The following BEND3 variants were observed in gnomAD, a reference collection of about 807,000 sequenced individuals.
The protein encoded by BEND3 is BEN domain containing 3.
In BEND3, 13 loss-of-function variants were observed where a neutral mutation model predicts 60.1. The ratio of observed to expected loss-of-function variants is 0.22; its 90% CI spans 0.14 to 0.34. BEND3 has a LOEUF of 0.34. Ranked by LOEUF, BEND3 falls within the 10% of genes least tolerant of loss-of-function variation. The probability of loss-of-function intolerance (pLI) is 1.00; values close to 1 mark genes in which losing one functional copy is unlikely to be tolerated. For synonymous variants in BEND3, 497 were observed against 491.5 expected (o/e 1.01, Z -0.15); for missense variants, 896 against 1,138.1 (o/e 0.79, Z 3.06).
intron 3 of BEND3, among the ~76,000 whole-genome samples, chr6:107,093,277 GGTGAAACCCC>G (rs1208020936): frequency 5.3e-5 from 8 of 152,058 alleles, no homozygotes; most frequent in Non-Finnish European, 1.2e-4. Flanking sequence ...TGGCTAATAC[GGTGAAACCCC>G]GTCTCTACTA....
At chr6:107,094,374 G>A (rs1284451701) in intron 3 of BEND3, among the ~76,000 whole-genome samples, 2 of 152,044 alleles carry the variant, frequency 1.3e-5, no homozygotes, top group Non-Finnish European at 2.9e-5. Flanking sequence ...TGTAATCCCA[G>A]CACTTTGGAG....
rs80030422 is a variant in BEND3 at position 107,094,169 on chromosome 6, C to T, written c.240+4382G>A. 3.3e-3 allele frequency among the ~76,000 whole-genome samples: 503 copies of T among 151,992 alleles called. 2 individuals carry two copies. The highest frequency in any genetic ancestry group is 0.011 in the African/African-American group (450 of 41,452). ...AAAGGGTTACTTGAGCCGAGGAGCTCGAGACCAGCCTGGGCAACATAGCAA... is the reference window on the plus strand; with the variant it reads ...AAAGGGTTACTTGAGCCGAGGAGCTTGAGACCAGCCTGGGCAACATAGCAA... On this transcript the variant is annotated intron_variant, in intron 3 of 3. Transcript: ENST00000369042.
chr6:107,089,589 A>G (rs1775430159), intron 3 of BEND3, among the ~76,000 whole-genome samples: 1 of 125,178 alleles, frequency 8.0e-6, no homozygotes, highest in Non-Finnish European at 1.8e-5. Flanking sequence ...CTGTCTCGAA[A>G]AAAAAAAAGG....
intron 3 of BEND3, among the ~76,000 whole-genome samples, chr6:107,089,593 A>G (rs1245066021): frequency 7.8e-6 from 1 of 128,882 alleles, no homozygotes; most frequent in Non-Finnish European, 1.7e-5. Flanking sequence ...CTCGAAAAAA[A>G]AAAAGGATTT....
At chr6:107,085,943 C>T (rs1775337661) in intron 3 of BEND3, among the ~76,000 whole-genome samples, 1 of 151,598 alleles carries the variant, frequency 6.6e-6, no homozygotes, top group Admixed American at 6.6e-5. Context: ...TCCACCACCA[C>T]ACCCAGCTAA....
At chr6:107,085,031 C>T (rs1342282278) in intron 3 of BEND3, among the ~76,000 whole-genome samples, 1 of 152,220 alleles carries the variant, frequency 6.6e-6, no homozygotes, top group African/African-American at 2.4e-5. Flanking sequence ...TGAGCTGTAA[C>T]ACTCATCACG....
rs782093278 is a variant in BEND3, at chr6:107,069,905, C to T, written c.1286G>A (p.Gly429Asp). The change falls in exon 4 of 4, where the codon GGT (glycine) becomes GAT (aspartate). Residue 429 changes from glycine to aspartate, a missense_variant. Coordinates refer to ENST00000369042, the MANE Select transcript of BEND3 (RefSeq NM_001367314.1). ...FPELFDHRKL[G>D]EQYSCYGDGG... is the part of the protein sequence containing the mutation. ...GTCCCCGTAGCAGCTGTACTGTTCA[C>T]CCAGCTTGCGGTGGTCGAAGAGCTC... 3 of 1,613,946 alleles carry T rather than the reference C, an allele frequency of 1.9e-6. No homozygotes were observed. Among genetic ancestry groups the T allele is most frequent in the Admixed American group, 1.7e-5 (1 of 60,026 alleles).
chr6:107,091,119 AAAAG>A (rs1474188824), intron 3 of BEND3, among the ~76,000 whole-genome samples: 3 of 152,114 alleles, frequency 2.0e-5, no homozygotes, highest in East Asian at 1.9e-4. Flanking sequence ...CGAAAAAAAA[AAAAG>A]AAAGAAAATG....
chr6:107,091,537 C>T (rs1459203007), intron 3 of BEND3, among the ~76,000 whole-genome samples: 1 of 152,096 alleles, frequency 6.6e-6, no homozygotes, highest in Non-Finnish European at 1.5e-5. Context: ...AACTCTATGT[C>T]CACAAATTTG....
intron 1 of BEND3, among the ~76,000 whole-genome samples, chr6:107,108,837 G>A (rs529173873): frequency 6.6e-5 from 10 of 152,230 alleles, no homozygotes; most frequent in Admixed American, 4.6e-4. Flanking sequence ...ATGGAGTCTC[G>A]CTCTGTTGCC....
At chr6:107,112,075 T>C (rs931549508) in intron 1 of BEND3, among the ~76,000 whole-genome samples, 7 of 152,166 alleles carry the variant, frequency 4.6e-5, no homozygotes, top group Non-Finnish European at 1.0e-4. Flanking sequence ...TTTTGCTGGT[T>C]GGCTAGCGAC....
Position 107,069,261 on chromosome 6 carries a change from G to C in BEND3, c.1930C>G (p.Arg644Gly). ...EFVGKLDERC[R>G]RRDTEQRRSY... is the part of the protein sequence containing the mutation. ...CGCCTTTGCTCCGTGTCCCGGCGCC[G>C]GCAGCGCTCATCCAGTTTGCCCACG... is the stretch of plus-strand genomic sequence containing the variant. Residue 644 changes from arginine to glycine, a missense_variant, in exon 4 of 4, where the codon CGG (arginine) becomes GGG (glycine). By Grantham distance (125) the Arg-to-Gly change is moderately radical. Around this residue, in one of 4 missense-constraint regions of BEND3, gnomAD observed 846 missense variants for 1,036.7 expected, o/e 0.82. Coordinates refer to ENST00000369042, the MANE Select transcript of BEND3 (RefSeq NM_001367314.1). The C allele has an allele frequency of 6.2e-7, 1 of 1,611,622 alleles. No homozygotes were observed.
At chr6:107,083,921 T>C (rs1418546239) in intron 3 of BEND3, among the ~76,000 whole-genome samples, 1 of 151,846 alleles carries the variant, frequency 6.6e-6, no homozygotes, top group Non-Finnish European at 1.5e-5. Flanking sequence ...GACCCTATCT[T>C]GAAAAAGAAA....
At chr6:107,094,917 C>T (rs912022441) in intron 3 of BEND3, among the ~76,000 whole-genome samples, 8 of 150,134 alleles carry the variant, frequency 5.3e-5, no homozygotes, top group African/African-American at 2.0e-4. Context: ...ACCTCCCAGG[C>T]TCAGGCGATC....
Position 107,070,955 on chromosome 6 carries a change from A to G in BEND3, c.241-5T>C, listed in dbSNP as rs544632152. The G allele has an allele frequency of 6.3e-7, 1 of 1,599,776 alleles. No homozygotes were observed. Among genetic ancestry groups the G allele is most frequent in the Admixed American group, 1.7e-5 (1 of 58,082 alleles). The stretch of plus-strand genomic sequence containing the variant: ...CCGCATGCCTGCTAGGAGAGCCTGC[A>G]AAACAAAAATCATTTCCCAGAGTGT... On this transcript the variant is annotated splice_region_variant and splice_polypyrimidine_tract_variant and intron_variant, in intron 3 of 3. Transcript: ENST00000369042. This position sits in a 1 kb window ranked among gnomAD's most constrained non-coding sequence, Gnocchi z 6.9.
intron 1 of BEND3, among the ~76,000 whole-genome samples, chr6:107,105,004 C>T (rs1775782904): frequency 6.6e-6 from 1 of 152,096 alleles, no homozygotes; most frequent in Admixed American, 6.6e-5. Context: ...TTGGATGAAC[C>T]TGCAGATGTG....
rs782731122 is a variant in BEND3, at chr6:107,098,577, C to T, written c.214G>A (p.Val72Met). The T allele has an allele frequency of 3.7e-6, 6 of 1,613,278 alleles. No homozygotes were observed. Among genetic ancestry groups the T allele is most frequent in the Non-Finnish European group, 5.1e-6 (6 of 1,180,026 alleles). The change falls in exon 3 of 4, where the codon GTG becomes ATG. Residue 72 changes from valine (V) to methionine (M), a missense_variant. Transcript: ENST00000369042. ...SDGLLDSVPG[V>M]KRRRLIPEAL... ...TCGGGGATCAGCCGCCTCCTCTTCA[C>T]GCCGGGGACAGAGTCTAGCAGGCCA... is the stretch of plus-strand genomic sequence containing the variant.
chr6:107,098,436 T>C, intron 3 of BEND3, 115 bp downstream of exon 3: 2 of 1,061,998 alleles, frequency 1.9e-6, no homozygotes, highest in Non-Finnish European at 2.7e-6. Flanking sequence ...AAATGAAACC[T>C]TCCCATGCCC....
At chr6:107,089,541 G>C (rs1259374135) in intron 3 of BEND3, among the ~76,000 whole-genome samples, 2 of 148,650 alleles carry the variant, frequency 1.3e-5, no homozygotes, top group Non-Finnish European at 3.0e-5. Context: ...AGCCAAGATC[G>C]TGCCACTGCA....
Sources: allele counts gnomAD v4.1 joint callset (sites outside exome capture counted in the v4.1 genomes callset), GRCh38; gene constraint gnomAD v4.1.1; regional missense constraint gnomAD v4.1.1; non-coding constraint Gnocchi (gnomAD v3.1); transcripts MANE v1.5; gene names NCBI Gene and HGNC (gene_info 2026-07-23, HGNC 2026-07-21).